FAM209A: variants seen among roughly 807,000 people sequenced by gnomAD.
FAM209A encodes family with sequence similarity 209 member A.
In FAM209A, 4 loss-of-function variants were observed where a neutral mutation model predicts 9.8. That is an observed-to-expected ratio of 0.41 (90% CI 0.20 to 0.94). The LOEUF is 0.94. Ranked by LOEUF, FAM209A falls within the 40% of genes least tolerant of loss-of-function variation. FAM209A has a pLI of 0.32. For synonymous variants in FAM209A, 55 were observed against 77.8 expected (o/e 0.71, Z 1.54); for missense variants, 205 against 209.4 (o/e 0.98, Z 0.13).
At chr20:56,529,283 A>G (rs1306214512), downstream of FAM209A, among the ~76,000 whole-genome samples, 1 of 148,746 alleles carries the variant, frequency 6.7e-6, no homozygotes, top group African/African-American at 2.5e-5. Flanking sequence ...TTGGGAGGCC[A>G]AGGTAGGCGG....
At chr20:56,532,774 G>A in the FAM209A span, among the ~76,000 whole-genome samples, 3 of 152,074 alleles carry the variant, frequency 2.0e-5, no homozygotes, top group Admixed American at 6.6e-5. Context: ...GAGCTGCCGC[G>A]CCCGGCCACG....
rs745466394 is a variant in FAM209A, at chr20:56,525,826, G to A, written c.272G>A (p.Arg91Gln). ...KNKEQSPPGL[R>Q]GGQLHSPLKK... ...CAGGAGCAGAGTCCTCCTGGCCTTC[G>A]AGGCGGCCAACTTCACTCTCCATTA... Residue 91 changes from arginine to glutamine, a missense_variant, in exon 2 of 2, where the codon CGA becomes CAA. Transcript: ENST00000371328. 7.1e-5 allele frequency: 115 copies of A among 1,614,052 alleles called. No homozygotes were observed. Among genetic ancestry groups the A allele is most frequent in the Non-Finnish European group, 9.3e-5 (110 of 1,179,990 alleles).
chr20:56,525,110 C>T, intron 1 of FAM209A, 53 bp downstream of exon 1: 1 of 1,598,094 alleles, frequency 6.3e-7, no homozygotes, highest in Non-Finnish European at 8.5e-7. Flanking sequence ...TCAGGAGTCT[C>T]AGGGAAACGG....
At chr20:56,526,853 G>A (rs907870201), downstream of FAM209A, among the ~76,000 whole-genome samples, 1 of 152,134 alleles carries the variant, frequency 6.6e-6, no homozygotes, top group Non-Finnish European at 1.5e-5. Context: ...GACTGATTGA[G>A]CCTAGGAGTT....
chr20:56,530,321 A>G (rs1985700092), downstream of FAM209A, among the ~76,000 whole-genome samples: 1 of 152,194 alleles, frequency 6.6e-6, no homozygotes, highest in South Asian at 2.1e-4. Context: ...AGTTTGCTCA[A>G]GTTTGTCATG....
chr20:56,526,705 T>C (rs768254103), downstream of FAM209A, among the ~76,000 whole-genome samples: 6 of 149,128 alleles, frequency 4.0e-5, no homozygotes, highest in South Asian at 1.3e-3. Context: ...AGGCAGAGGT[T>C]GCATTGAGAT....
downstream of FAM209A, among the ~76,000 whole-genome samples, chr20:56,529,453 G>T (rs1985668396): frequency 6.6e-6 from 1 of 152,098 alleles, no homozygotes; most frequent in Admixed American, 6.5e-5. Context: ...GGAGGCGGAG[G>T]CTGCAGTGAG....
In FAM209A at chr20:56,524,960, A is replaced by G; in HGVS notation, c.152A>G (p.His51Arg). ...HFRIRQNLPE[H>R]TQGWLGSKWL... ...CGGATTCGGCAGAATCTACCAGAGC[A>G]CACCCAAGGCTGGCTTGGGAGCAAA... is the stretch of plus-strand genomic sequence containing the variant. Residue 51 changes from histidine to arginine, a missense_variant, in exon 1 of 2, where the codon CAC (histidine) becomes CGC (arginine). Physicochemically the swap from His to Arg is conservative, Grantham distance 29. Transcript: ENST00000371328. 1 of 1,614,216 alleles carries G rather than the reference A, an allele frequency of 6.2e-7. No homozygotes were observed. Among genetic ancestry groups the G allele is most frequent in the African/African-American group, 1.3e-5 (1 of 75,060 alleles).
chr20:56,532,715 C>G, the FAM209A span, among the ~76,000 whole-genome samples: 2 of 151,716 alleles, frequency 1.3e-5, no homozygotes, highest in Non-Finnish European at 2.9e-5. Context: ...ATCTCTTGAC[C>G]TCGTAATCTG....
chr20:56,533,576 A>C, the FAM209A span: 2 of 1,614,160 alleles, frequency 1.2e-6, no homozygotes, highest in East Asian at 4.5e-5. Flanking sequence ...TCAAAGAGAC[A>C]GTGAGAAGAA....
chr20:56,533,182 G>C, the FAM209A span: 1 of 1,505,690 alleles, frequency 6.6e-7, no homozygotes, highest in Non-Finnish European at 8.8e-7. Flanking sequence ...CGACTCCTGT[G>C]ACCTGTAACC....
downstream of FAM209A, among the ~76,000 whole-genome samples, chr20:56,528,304 G>A (rs1985623023): frequency 6.6e-6 from 1 of 150,884 alleles, no homozygotes; most frequent in African/African-American, 2.4e-5. Context: ...TAAAAATAAT[G>A]TTTGGGGGCT....
the FAM209A span, chr20:56,533,141 C>T: frequency 7.0e-7 from 1 of 1,433,038 alleles, no homozygotes; most frequent in Non-Finnish European, 9.1e-7. Context: ...GCTGGAAATG[C>T]CCCCATCTCC....
At chr20:56,531,974 C>CTTTTCTTTTCTTTTCTTTTCTTTTCT in the FAM209A span, among the ~76,000 whole-genome samples, 6 of 113,036 alleles carry the variant, frequency 5.3e-5, no homozygotes, top group African/African-American at 2.2e-4. Context: ...CTTTTCTTTT[C>CTTTTCTTTTCTTTTCTTTTCTTTTCT]TTTTTTTTTT....
chr20:56,528,610 A>T (rs1417807439), downstream of FAM209A, among the ~76,000 whole-genome samples: 1 of 151,832 alleles, frequency 6.6e-6, no homozygotes, highest in Non-Finnish European at 1.5e-5. Context: ...CCAAAAAAAA[A>T]AGTTGGGGTG....
At chr20:56,533,288 T>G in the FAM209A span, 6 of 1,602,930 alleles carry the variant, frequency 3.7e-6, no homozygotes, top group South Asian at 6.7e-5. Context: ...GTCTTCCAGT[T>G]GCGAGGGCAA....
At chr20:56,529,149 A>T (rs1220101606), downstream of FAM209A, among the ~76,000 whole-genome samples, 2 of 151,874 alleles carry the variant, frequency 1.3e-5, no homozygotes, top group African/African-American at 4.8e-5. Flanking sequence ...CGGAGTTTGC[A>T]GTGAGCCAAT....
At chr20:56,527,422 C>T (rs1985578188), downstream of FAM209A, among the ~76,000 whole-genome samples, 2 of 152,214 alleles carry the variant, frequency 1.3e-5, no homozygotes, top group African/African-American at 4.8e-5. Context: ...GGTTCCCTTT[C>T]TTGGAGAATG....
rs182121574 is a variant in FAM209A, at chr20:56,526,017, G to T, written c.463G>T (p.Asp155Tyr). The T allele has an allele frequency of 3.1e-6, 5 of 1,613,954 alleles. No homozygotes were observed. The highest frequency in any genetic ancestry group is 4.2e-6 in the Non-Finnish European group (5 of 1,179,914). Residue 155 changes from aspartate (D) to tyrosine (Y), a missense_variant, in exon 2 of 2, where the codon GAT (aspartate) becomes TAT (tyrosine). By Grantham distance (160) the Asp-to-Tyr change is radical. Transcript: ENST00000371328. ...LRLRKSEMPADPYHVTICEIW... is the reference protein window; with the variant it reads ...LRLRKSEMPAYPYHVTICEIW... ...GCTTCGAAAGTCAGAGATGCCTGCA[G>T]ATCCATACCATGTCACGATCTGTGA... is the stretch of plus-strand genomic sequence containing the variant.
Sources: allele counts gnomAD v4.1 joint callset (sites outside exome capture counted in the v4.1 genomes callset), GRCh38; gene constraint gnomAD v4.1.1; transcripts MANE v1.5; gene names NCBI Gene and HGNC (gene_info 2026-07-23, HGNC 2026-07-21).